The following BRCA1 variants were observed in gnomAD, a reference collection of about 807,000 sequenced individuals.
The protein encoded by BRCA1 is breast cancer type 1 susceptibility protein.
Under a neutral mutation model 173.7 loss-of-function variants are expected in BRCA1, and 140 were observed. The observed-to-expected ratio is 0.81, with a 90% CI of 0.70 to 0.93. The LOEUF is 0.93. Among genes scored for constraint, BRCA1 ranks in the 40% least tolerant of loss-of-function variants. BRCA1 has a pLI of 0.00. For missense variants in BRCA1, 1,983 were observed against 2,172.5 expected (o/e 0.91, Z 1.73); for synonymous variants, 662 against 756.0 (o/e 0.88, Z 2.04).
chr17:43,115,148 G>C (rs1335224842), intron 3 of BRCA1, among the ~76,000 whole-genome samples: 3 of 152,130 alleles, frequency 2.0e-5, no homozygotes, highest in Non-Finnish European at 4.4e-5. Flanking sequence ...CTTGCAGTTT[G>C]CTTTCACTGA....
chr17:43,118,612 A>C (rs2055404592), intron 2 of BRCA1, among the ~76,000 whole-genome samples: 2 of 151,980 alleles, frequency 1.3e-5, no homozygotes, highest in Admixed American at 6.6e-5. Flanking sequence ...ATGTTAATTA[A>C]TTTTTGTAGA....
In BRCA1 at chr17:43,096,312, C is replaced by T. The variant is rs536073275; in HGVS notation, c.594-390G>A. ...GTATGGCTTCAACCTGGGAGGCAGACGTTGCGGAGAGGTGAGATCACACCT... is the reference window on the plus strand; with the variant it reads ...GTATGGCTTCAACCTGGGAGGCAGATGTTGCGGAGAGGTGAGATCACACCT... On this transcript the variant is annotated intron_variant, in intron 8 of 22. Coordinates refer to ENST00000357654, the MANE Select transcript of BRCA1 (RefSeq NM_007294.4). Among the ~76,000 whole-genome samples, 102 of 140,564 alleles carry T rather than the reference C, an allele frequency of 7.3e-4. 1 individual carries two copies. Among genetic ancestry groups the T allele is most frequent in the African/African-American group, 2.6e-3 (100 of 38,040 alleles). 92.2% of individuals were successfully genotyped at this position (140,564 alleles called of 152,430 possible).
chr17:43,133,427 C>T (rs113270695), intron 1 of BRCA1, among the ~76,000 whole-genome samples: 73 of 152,176 alleles, frequency 4.8e-4, no homozygotes, highest in African/African-American at 1.5e-3. Context: ...ATTTTGGACC[C>T]GTCCCCAGGG....
intron 3 of BRCA1, among the ~76,000 whole-genome samples, chr17:43,107,029 A>G (rs1194424805): frequency 6.6e-6 from 1 of 152,002 alleles, no homozygotes; most frequent in East Asian, 1.9e-4. Flanking sequence ...ATCTGTGATC[A>G]AGCGATTTTC....
rs786203319 is a variant in BRCA1, at chr17:43,115,759, G to A, written c.101C>T (p.Pro34Leu). The A allele has an allele frequency of 3.1e-6, 5 of 1,613,658 alleles. No individual in the cohort carries two copies. The highest frequency in any genetic ancestry group is 4.2e-6 in the Non-Finnish European group (5 of 1,179,798). Reference protein sequence around the residue: ...CPICLELIKEPVSTKCDHIFC... With the variant: ...CPICLELIKELVSTKCDHIFC... ...TATGTGGTCACACTTTGTGGAGACA[G>A]GTTCCTTGATCAACTCCAGACTAGC... is the stretch of plus-strand genomic sequence containing the variant. The change falls in exon 3 of 23, where the codon CCT (proline) becomes CTT (leucine). Residue 34 changes from proline to leucine, a missense_variant. Coordinates refer to ENST00000357654, the MANE Select transcript of BRCA1 (RefSeq NM_007294.4).
At chr17:43,091,294 TAGG>T in intron 10 of BRCA1, 138 bp downstream of exon 10, 1 of 1,161,084 alleles carries the variant, frequency 8.6e-7, no homozygotes, top group Non-Finnish European at 1.3e-6. Flanking sequence ...AAAAGCACCT[TAGG>T]AGGAACATGT....
At chr17:43,098,046 T>G (rs1306353571) in intron 7 of BRCA1, among the ~76,000 whole-genome samples, 1 of 151,058 alleles carries the variant, frequency 6.6e-6, no homozygotes. Context: ...TTTTTTTTTT[T>G]GGAGGTCTTG....
intron 2 of BRCA1, among the ~76,000 whole-genome samples, chr17:43,123,511 A>G (rs1317903540): frequency 6.6e-6 from 1 of 151,942 alleles, no homozygotes; most frequent in Non-Finnish European, 1.5e-5. Context: ...CACTACGCCC[A>G]GCTAATTTTT....
chr17:43,146,327 G>C (rs888754602), intron 1 of BRCA1, among the ~76,000 whole-genome samples: 13 of 20,254 alleles, frequency 6.4e-4, no homozygotes, highest in African/African-American at 1.9e-3. Flanking sequence ...TTTTTTTTTT[G>C]AGATGGAGTC....
Position 43,100,578 on chromosome 17 carries a change from T to C in BRCA1, c.442-698A>G, listed in dbSNP as rs1405369233. Among the ~76,000 whole-genome samples the C allele has an allele frequency of 1.7e-5, 2 of 118,494 alleles. 1 individual carries two copies. Among genetic ancestry groups the C allele is most frequent in the African/African-American group, 7.3e-5 (2 of 27,420 alleles). The allele number at this position is 118,494 out of a possible 152,430, so 77.7% of individuals were successfully genotyped here. Reference sequence around the variant, plus strand: ...TGTGTGTATATATATATATAACATATATATAACATATATATATTATATATA... The same window carrying C: ...TGTGTGTATATATATATATAACATACATATAACATATATATATTATATATA... On this transcript the variant is annotated intron_variant, in intron 6 of 22. Coordinates refer to ENST00000357654, the MANE Select transcript of BRCA1 (RefSeq NM_007294.4).
chr17:43,155,062 A>C (rs1310482523), intron 1 of BRCA1, among the ~76,000 whole-genome samples: 2 of 152,244 alleles, frequency 1.3e-5, no homozygotes, highest in East Asian at 3.8e-4. Context: ...AGGTGCTAAA[A>C]TGTAATAATC....
rs1057517546 is a variant in BRCA1, at chr17:43,125,168, C to G, written c.-20+103G>C. ...GCCTCTCAGGTTCCGCCCCTACCCCCCGTCAAAGAATACCCATCTGTCAGC... is the reference window on the plus strand; with the variant it reads ...GCCTCTCAGGTTCCGCCCCTACCCCGCGTCAAAGAATACCCATCTGTCAGC... On this transcript the variant is annotated intron_variant, in intron 1 of 22. Transcript: ENST00000357654. 4.4e-6 allele frequency: 2 copies of G among 455,602 alleles called. No individual in the cohort carries two copies. Among genetic ancestry groups the G allele is most frequent in the South Asian group, 1.6e-5 (1 of 64,516 alleles). The allele number at this position is 455,602 out of a possible 1,614,324, so 28.2% of individuals were successfully genotyped here.
At chr17:43,131,594 G>A (rs2055965977) in intron 1 of BRCA1, among the ~76,000 whole-genome samples, 1 of 151,808 alleles carries the variant, frequency 6.6e-6, no homozygotes, top group South Asian at 2.1e-4. Context: ...GGCAGCAGGC[G>A]CCTGTAGTCC....
chr17:43,150,420 A>G (rs1430931895), intron 1 of BRCA1, among the ~76,000 whole-genome samples: 2 of 152,046 alleles, frequency 1.3e-5, no homozygotes, highest in Non-Finnish European at 2.9e-5. Context: ...TTATGGACTC[A>G]CTTACCTCTG....
At chr17:43,135,035 G>A (rs1000896333) in intron 1 of BRCA1, among the ~76,000 whole-genome samples, 1 of 152,230 alleles carries the variant, frequency 6.6e-6, no homozygotes, top group Non-Finnish European at 1.5e-5. Context: ...CCATGGTTTC[G>A]TTGTGGGTGG....
chr17:43,170,309 G>A (rs2056321505), upstream of BRCA1: 2 of 157,870 alleles, frequency 1.3e-5, 1 homozygote, highest in African/African-American at 4.8e-5. Flanking sequence ...CACAGTCAGA[G>A]GAAGGGCGGG....
chr17:43,129,927 A>G (rs781290224), upstream of BRCA1, among the ~76,000 whole-genome samples: 1 of 152,212 alleles, frequency 6.6e-6, no homozygotes, highest in Non-Finnish European at 1.5e-5. Flanking sequence ...ATTACATGTC[A>G]TATGAATGAA....
At chr17:43,053,605 G>C (rs1358185958) in intron 19 of BRCA1, among the ~76,000 whole-genome samples, 1 of 151,830 alleles carries the variant, frequency 6.6e-6, no homozygotes, top group East Asian at 1.9e-4. Flanking sequence ...GAGTGGAGCT[G>C]GTAGTGAGCC....
At chr17:43,104,057 C>CAAAAAAAA in intron 6 of BRCA1, 65 bp downstream of exon 6, 1 of 1,299,368 alleles carries the variant, frequency 7.7e-7, no homozygotes, top group Non-Finnish European at 1.0e-6. Flanking sequence ...GACTCCATCT[C>CAAAAAAAA]AAAAAAAAAA....
Sources: allele counts gnomAD v4.1 joint callset (sites outside exome capture counted in the v4.1 genomes callset), GRCh38; gene constraint gnomAD v4.1.1; transcripts MANE v1.5; gene names NCBI Gene and HGNC (gene_info 2026-07-23, HGNC 2026-07-21).